EXT2: variants seen among roughly 807,000 people sequenced by gnomAD.
The protein encoded by EXT2 is exostosin-2.
A neutral mutation model predicts 81.6 loss-of-function variants in EXT2; 53 were observed. That is an observed-to-expected ratio of 0.65 (90% CI 0.52 to 0.82). EXT2 has a LOEUF of 0.82. Ranked by LOEUF, EXT2 falls within the 40% of genes least tolerant of loss-of-function variation. The probability of loss-of-function intolerance (pLI) is 0.00; values close to 1 mark genes in which losing one functional copy is unlikely to be tolerated. For synonymous variants in EXT2, 320 were observed against 340.0 expected (o/e 0.94, Z 0.65); for missense variants, 774 against 910.2 (o/e 0.85, Z 1.93).
chr11:44,109,591 C>A (rs772933002), intron 3 of EXT2, among the ~76,000 whole-genome samples: 8 of 152,134 alleles, frequency 5.3e-5, no homozygotes, highest in Non-Finnish European at 1.2e-4. Context: ...AATTCGGGAG[C>A]ATTTGCCACA....
At chr11:44,160,453 A>G (rs891971394) in intron 7 of EXT2, among the ~76,000 whole-genome samples, 22 of 152,214 alleles carry the variant, frequency 1.4e-4, no homozygotes, top group African/African-American at 4.8e-4. Context: ...ATTAAGTGCC[A>G]TACTGGAAAC....
At position 44,126,850 on chromosome 11, in the gene EXT2, G is replaced by A. The variant is rs762292898; in HGVS notation, c.974G>A (p.Arg325Gln). 2.7e-5 allele frequency: 44 copies of A among 1,614,038 alleles called. No homozygotes were observed. Among genetic ancestry groups the A allele is most frequent in the Non-Finnish European group, 3.3e-5 (39 of 1,180,038 alleles). The change falls in exon 6 of 14, where the codon CGG becomes CAG. Residue 325 changes from arginine to glutamine, a missense_variant. By Grantham distance (43) the Arg-to-Gln change is conservative. Around this residue, in one of 2 missense-constraint regions of EXT2, gnomAD observed 626 missense variants for 670.5 expected, o/e 0.93. Coordinates refer to ENST00000533608, the MANE Select transcript of EXT2 (RefSeq NM_207122.2). ...TTCTGTGTGGTTCTTCGTGGAGCTCGGCTGGGCCAGGCAGTATTGAGCGAT... is the reference window on the plus strand; with the variant it reads ...TTCTGTGTGGTTCTTCGTGGAGCTCAGCTGGGCCAGGCAGTATTGAGCGAT... ...ATFCVVLRGARLGQAVLSDVL... is the reference protein window; with the variant it reads ...ATFCVVLRGAQLGQAVLSDVL...
intron 8 of EXT2, among the ~76,000 whole-genome samples, chr11:44,178,651 G>A (rs554672589): frequency 1.3e-5 from 2 of 152,272 alleles, no homozygotes; most frequent in African/African-American, 4.8e-5. Context: ...ACTCTAAGTT[G>A]AAAAGATACC....
chr11:44,226,776 GT>G (rs1955842581), intron 10 of EXT2, among the ~76,000 whole-genome samples: 2 of 152,244 alleles, frequency 1.3e-5, no homozygotes, highest in Non-Finnish European at 2.9e-5. Flanking sequence ...TGGATTCCTT[GT>G]GCTCTGTCTT....
chr11:44,149,417 T>C (rs112004094), intron 7 of EXT2, among the ~76,000 whole-genome samples: 81 of 152,284 alleles, frequency 5.3e-4, no homozygotes, highest in Non-Finnish European at 9.1e-4. Context: ...TTGTCCCATG[T>C]TCTATTTCTT....
At chr11:44,159,069 T>G (rs1216033133) in intron 7 of EXT2, among the ~76,000 whole-genome samples, 6 of 151,748 alleles carry the variant, frequency 4.0e-5, no homozygotes, top group African/African-American at 1.4e-4. Flanking sequence ...GTGTGGTTTT[T>G]GGGTTTTTTG....
In EXT2 at chr11:44,108,099, G is replaced by A. The variant is rs372985422; in HGVS notation, c.387G>A (p.Glu129=). ...GVSVSNTISR[E]YNELLMAISD... ...CTGTCAGCAACACCATCTCCCGGGA[G>A]TATAATGAACTGCTCATGGCCATCT... is the stretch of plus-strand genomic sequence containing the variant. The change falls in exon 2 of 14, where the codon GAG becomes GAA. Residue 129 remains glutamate (E), a synonymous_variant. Coordinates refer to ENST00000533608, the MANE Select transcript of EXT2 (RefSeq NM_207122.2). 6.2e-7 allele frequency: 1 copy of A among 1,614,228 alleles called. No individual in the cohort carries two copies. The highest frequency in any genetic ancestry group is 1.1e-5 in the South Asian group (1 of 91,086).
At chr11:44,228,190 C>G (rs1352399171) in intron 10 of EXT2, among the ~76,000 whole-genome samples, 8 of 152,034 alleles carry the variant, frequency 5.3e-5, no homozygotes, top group Admixed American at 2.0e-4. Context: ...GATGGGGGCA[C>G]TATATATATG....
rs144797429 is a variant in EXT2 at position 44,221,951 on chromosome 11, C to G, written c.1663-10402C>G. 1.1e-4 allele frequency among the ~76,000 whole-genome samples: 16 copies of G among 152,258 alleles called. No homozygotes were observed. The East Asian group carries it at 3.1e-3, about 29-fold the overall frequency. ...TTGAAGGATCAGAGTAGTCCCAGAC[C>G]TTGGAAATGTCACAACTGTGAAACA... On this transcript the variant is annotated intron_variant, in intron 10 of 13. Coordinates refer to ENST00000533608, the MANE Select transcript of EXT2 (RefSeq NM_207122.2).
In EXT2 at chr11:44,220,892, A is replaced by G. The variant is rs1015744540; in HGVS notation, c.1663-11461A>G. Among the ~76,000 whole-genome samples, 1 of 152,240 alleles carries G rather than the reference A, an allele frequency of 6.6e-6. No homozygotes were observed. Among genetic ancestry groups the G allele is most frequent in the African/African-American group, 2.4e-5 (1 of 41,466 alleles). On this transcript the variant is annotated intron_variant, in intron 10 of 13. Transcript: ENST00000533608. The surrounding 1 kb of genome is among the most constrained non-coding windows in gnomAD (Gnocchi z 4.4). ...AGCTTCTCTAAAGCACCCAGTCCCC[A>G]TTGGAGAACAAGTCAAACAAATGTT...
At chr11:44,102,484 C>T (rs532941842) in intron 1 of EXT2, among the ~76,000 whole-genome samples, 79 of 151,828 alleles carry the variant, frequency 5.2e-4, no homozygotes, top group African/African-American at 1.8e-3. Flanking sequence ...CTGAGATCAC[C>T]TCCCAAGTAA....
intron 8 of EXT2, among the ~76,000 whole-genome samples, chr11:44,177,483 C>G (rs1213669743): frequency 6.6e-6 from 1 of 152,212 alleles, no homozygotes; most frequent in Non-Finnish European, 1.5e-5. Flanking sequence ...TTCTGTTTCT[C>G]TGCCAGATGT....
At chr11:44,096,545 G>A (rs1219532291) in intron 1 of EXT2, among the ~76,000 whole-genome samples, 2 of 151,932 alleles carry the variant, frequency 1.3e-5, no homozygotes, top group South Asian at 2.1e-4. Flanking sequence ...GTTAGACTGC[G>A]GACTAGATTG....
At chr11:44,197,704 C>G in intron 8 of EXT2, 125 bp from the exon 9 acceptor site, 1 of 950,304 alleles carries the variant, frequency 1.1e-6, no homozygotes, top group Non-Finnish European at 1.7e-6. Flanking sequence ...TGAGCAGTTG[C>G]TTAGCTCTGG....
chr11:44,170,927 A>G (rs762439145), intron 7 of EXT2, among the ~76,000 whole-genome samples: 5 of 152,160 alleles, frequency 3.3e-5, no homozygotes, highest in Non-Finnish European at 2.9e-5. Context: ...TTCAGGGAAG[A>G]AATAACGCTG....
At chr11:44,127,998 T>C (rs1408545971) in intron 6 of EXT2, among the ~76,000 whole-genome samples, 1 of 152,232 alleles carries the variant, frequency 6.6e-6, no homozygotes. Flanking sequence ...TTGTTGAAAA[T>C]TAATTCCATT....
chr11:44,109,209 G>A lies in EXT2; in HGVS notation c.552G>A (p.Thr184=), dbSNP rs899863883. The A allele has an allele frequency of 1.1e-5, 17 of 1,613,936 alleles. No individual in the cohort carries two copies. The South Asian group carries it at 1.2e-4, about 11-fold the overall frequency. The part of the protein sequence containing the change: ...MAQLSRWDRG[T]NHLLFNMLPG... ...TTCTTGACAGGTGGGATCGAGGTACGAATCACCTGTTGTTCAACATGTTGC... is the reference window on the plus strand; with the variant it reads ...TTCTTGACAGGTGGGATCGAGGTACAAATCACCTGTTGTTCAACATGTTGC... The change falls in exon 3 of 14, where the codon ACG becomes ACA. Residue 184 remains threonine, a synonymous_variant. Transcript: ENST00000533608.
Position 44,197,877 on chromosome 11 carries a change from C to T in EXT2, c.1354C>T (p.Gln452Ter). ...ACTCTTCCTCCCGCTGATCCCACCA[C>T]AGTCTCAAGGGTTCACCGCCATAGT... ...NPLFLPLIPP[Q>*]SQGFTAIVLT... Residue 452 changes from glutamine to a stop codon, truncating the protein, a stop_gained, in exon 9 of 14, where the codon CAG becomes TAG. Transcript: ENST00000533608. LOFTEE classifies it high-confidence loss of function. 1 of 1,614,124 alleles carries T rather than the reference C, an allele frequency of 6.2e-7. No individual in the cohort carries two copies. The highest frequency in any genetic ancestry group is 1.3e-5 in the African/African-American group (1 of 75,046).
In EXT2 at chr11:44,166,827, G is replaced by GT. The variant is rs575517291; in HGVS notation, c.1174-4782dup. On this transcript the variant is annotated intron_variant, in intron 7 of 13. Transcript: ENST00000533608. ...TCATATAGACTAGCATCCTGCTTTT[G>GT]TTAGGAACTGAGTTTAACTTCTGCT... Among the ~76,000 whole-genome samples the GT allele has an allele frequency of 7.1e-3, 1,088 of 152,324 alleles. 8 individuals carry two copies. The highest frequency in any genetic ancestry group is 0.011 in the Non-Finnish European group (718 of 68,024).
Sources: gnomAD v4.1 joint callset for allele counts (sites outside exome capture counted in the v4.1 genomes callset) on GRCh38, gnomAD v4.1.1 for gene constraint, gnomAD v4.1.1 regional missense constraint, Gnocchi (gnomAD v3.1) non-coding constraint, MANE v1.5 for transcripts, NCBI Gene and HGNC (gene_info 2026-07-23, HGNC 2026-07-21) for gene names.